IMMP2L: variants seen among roughly 807,000 people sequenced by gnomAD.
IMMP2L encodes the protein inner mitochondrial membrane peptidase subunit 2, also known as mitochondrial inner membrane protease subunit 2.
A neutral mutation model predicts 19.3 loss-of-function variants in IMMP2L; 18 were observed. The ratio of observed to expected loss-of-function variants is 0.93; its 90% CI spans 0.64 to 1.38. The LOEUF is 1.38. Among genes scored for constraint, IMMP2L ranks in the 40% most tolerant of loss-of-function variants. The pLI, the probability that IMMP2L is intolerant of heterozygous loss-of-function variation, is 0.00. For missense variants in IMMP2L, 233 were observed against 218.2 expected (o/e 1.07, Z -0.43); for synonymous variants, 76 against 73.0 (o/e 1.04, Z -0.21).
chr7:110,742,749 C>G (rs930391849), intron 5 of IMMP2L, among the ~76,000 whole-genome samples: 1 of 122,898 alleles, frequency 8.1e-6, no homozygotes, highest in African/African-American at 3.1e-5. Context: ...GCCTGGGCAA[C>G]AAGAGCTAAA....
In IMMP2L at chr7:111,434,468, T is replaced by A. The variant is rs866297425; in HGVS notation, c.239+52770A>T. Among the ~76,000 whole-genome samples the A allele has an allele frequency of 5.0e-3, 739 of 148,344 alleles. 26 individuals are homozygous for A. Among genetic ancestry groups the A allele is most frequent in the African/African-American group, 0.018 (693 of 39,420 alleles). ...TGTTTTCCACAAGAAAAAAAAAAAATAACCCCATTAAAAAGTGGGCAAAGG... is the reference window on the plus strand; with the variant it reads ...TGTTTTCCACAAGAAAAAAAAAAAAAAACCCCATTAAAAAGTGGGCAAAGG... On this transcript the variant is annotated intron_variant, in intron 3 of 5. Transcript: ENST00000405709.
At chr7:110,979,522 A>T (rs1161221911) in intron 3 of IMMP2L, among the ~76,000 whole-genome samples, 1 of 152,160 alleles carries the variant, frequency 6.6e-6, no homozygotes, top group East Asian at 1.9e-4. Flanking sequence ...GCAAATCAGA[A>T]GTGACAGCTT....
chr7:110,978,776 C>A (rs1275949387), intron 3 of IMMP2L, among the ~76,000 whole-genome samples: 2 of 151,790 alleles, frequency 1.3e-5, no homozygotes, highest in Non-Finnish European at 2.9e-5. Flanking sequence ...ACACAAAATC[C>A]CTATAGAACC....
intron 3 of IMMP2L, among the ~76,000 whole-genome samples, chr7:111,181,500 T>A (rs1277213603): frequency 2.0e-5 from 3 of 152,016 alleles, no homozygotes; most frequent in African/African-American, 7.2e-5. Flanking sequence ...ATCCTGTATT[T>A]GAGCACCCAG....
At chr7:111,458,448 C>T (rs865879532) in intron 3 of IMMP2L, among the ~76,000 whole-genome samples, 4 of 152,072 alleles carry the variant, frequency 2.6e-5, no homozygotes, top group African/African-American at 9.6e-5. Context: ...TCTGTTTTAA[C>T]AAATGAATAA....
chr7:111,224,584 A>G (rs574089833), intron 3 of IMMP2L, among the ~76,000 whole-genome samples: 2 of 152,236 alleles, frequency 1.3e-5, no homozygotes, highest in African/African-American at 2.4e-5. Context: ...GGGTGACAAG[A>G]TGCAGAATAC....
At chr7:110,705,984 T>C (rs143039975) in intron 5 of IMMP2L, among the ~76,000 whole-genome samples, 1 of 152,294 alleles carries the variant, frequency 6.6e-6, no homozygotes, top group African/African-American at 2.4e-5. Context: ...CCTAGGTTGA[T>C]TCCTTCTCTT....
intron 1 of IMMP2L, among the ~76,000 whole-genome samples, chr7:111,549,189 T>G (rs915034092): frequency 5.9e-5 from 9 of 152,136 alleles, no homozygotes; most frequent in Non-Finnish European, 1.2e-4. Context: ...CTATTAATCT[T>G]CAAAACAAAA....
intron 2 of IMMP2L, among the ~76,000 whole-genome samples, chr7:111,493,837 T>C (rs985876176): frequency 1.8e-4 from 27 of 148,436 alleles, no homozygotes; most frequent in African/African-American, 6.5e-4. Context: ...TGAAACCCCG[T>C]CTCTGCCAAA....
At chr7:110,681,967 A>G (rs1389679779) in intron 5 of IMMP2L, among the ~76,000 whole-genome samples, 5 of 152,196 alleles carry the variant, frequency 3.3e-5, no homozygotes, top group Non-Finnish European at 7.4e-5. Context: ...GTTGCTGACA[A>G]AAGATATAAT....
chr7:110,752,709 G>T (rs1797798529), intron 5 of IMMP2L, among the ~76,000 whole-genome samples: 1 of 151,986 alleles, frequency 6.6e-6, no homozygotes, highest in Admixed American at 6.6e-5. Flanking sequence ...AATCAAAGAA[G>T]AAACCCCCAA....
chr7:111,178,263 T>C (rs1206791434), intron 3 of IMMP2L, among the ~76,000 whole-genome samples: 1 of 152,130 alleles, frequency 6.6e-6, no homozygotes, highest in Non-Finnish European at 1.5e-5. Flanking sequence ...AATAGCATTA[T>C]GTCTAACAAA....
chr7:110,828,544 T>C (rs1244060807), intron 5 of IMMP2L, among the ~76,000 whole-genome samples: 1 of 152,166 alleles, frequency 6.6e-6, no homozygotes, highest in African/African-American at 2.4e-5. Context: ...TCTCCTCCCC[T>C]GATACTCCTA....
At chr7:111,389,391 T>C (rs891887659) in intron 3 of IMMP2L, among the ~76,000 whole-genome samples, 3 of 152,120 alleles carry the variant, frequency 2.0e-5, no homozygotes, top group African/African-American at 4.8e-5. Context: ...ATCTGTGTAA[T>C]AGACGGTAAT....
intron 5 of IMMP2L, among the ~76,000 whole-genome samples, chr7:110,844,822 A>T (rs1456976413): frequency 1.3e-5 from 2 of 151,972 alleles, no homozygotes; most frequent in African/African-American, 2.4e-5. Flanking sequence ...TCCCACAACC[A>T]ACTATGGCCA....
At chr7:110,866,006 T>C (rs1303760784) in intron 5 of IMMP2L, among the ~76,000 whole-genome samples, 1 of 152,032 alleles carries the variant, frequency 6.6e-6, no homozygotes, top group Non-Finnish European at 1.5e-5. Context: ...GGCAAAAGTA[T>C]CTCTGAATAA....
intron 3 of IMMP2L, among the ~76,000 whole-genome samples, chr7:111,235,095 GACTA>G (rs1814138916): frequency 1.3e-5 from 2 of 152,002 alleles, no homozygotes; most frequent in South Asian, 4.1e-4. Flanking sequence ...GTCTGCCAGT[GACTA>G]ATTTTTTCAT....
intron 3 of IMMP2L, among the ~76,000 whole-genome samples, chr7:111,320,879 T>C (rs1001563432): frequency 6.6e-6 from 1 of 152,016 alleles, no homozygotes; most frequent in Non-Finnish European, 1.5e-5. Context: ...TCACTGATTA[T>C]TAGATCCTTA....
At chr7:111,337,231 G>T (rs567798322) in intron 3 of IMMP2L, among the ~76,000 whole-genome samples, 1 of 151,828 alleles carries the variant, frequency 6.6e-6, no homozygotes, top group African/African-American at 2.4e-5. Flanking sequence ...ATTATAAAAA[G>T]TAATACACTA....
Sources: gnomAD v4.1 joint callset for allele counts (sites outside exome capture counted in the v4.1 genomes callset) on GRCh38, gnomAD v4.1.1 for gene constraint, MANE v1.5 for transcripts, NCBI Gene and HGNC (gene_info 2026-07-23, HGNC 2026-07-21) for gene names.